ZNF608: variants seen among roughly 807,000 people sequenced by gnomAD.
ZNF608 encodes renal carcinoma antigen NY-REN-36.
In ZNF608, 12 loss-of-function variants were observed where a neutral mutation model predicts 109.0. The observed-to-expected ratio is 0.11, with a 90% CI of 0.07 to 0.18. ZNF608 has a LOEUF of 0.18. Among genes scored for constraint, ZNF608 ranks in the 10% least tolerant of loss-of-function variants. ZNF608 has a pLI of 1.00. For missense variants in ZNF608, 1,707 were observed against 1,879.3 expected (o/e 0.91, Z 1.70); for synonymous variants, 732 against 717.4 (o/e 1.02, Z -0.33).
At chr5:124,676,385 CA>C (rs1267502758) in intron 3 of ZNF608, among the ~76,000 whole-genome samples, 1 of 152,154 alleles carries the variant, frequency 6.6e-6, no homozygotes, top group Non-Finnish European at 1.5e-5. Flanking sequence ...GTAGTTTTAA[CA>C]AATATTAATG....
intron 2 of ZNF608, among the ~76,000 whole-genome samples, chr5:124,733,429 A>G (rs1341733402): frequency 6.6e-6 from 1 of 151,820 alleles, no homozygotes; most frequent in African/African-American, 2.4e-5. Context: ...TCTCTCCCCA[A>G]ACAAAAATGC....
At chr5:124,688,595 G>A (rs898025217) in intron 3 of ZNF608, among the ~76,000 whole-genome samples, 6 of 152,302 alleles carry the variant, frequency 3.9e-5, no homozygotes, top group Non-Finnish European at 7.3e-5. Context: ...CATTAGAAAT[G>A]TTTGTATACT....
At chr5:124,674,847 T>G (rs1349817159) in intron 3 of ZNF608, among the ~76,000 whole-genome samples, 1 of 152,152 alleles carries the variant, frequency 6.6e-6, no homozygotes, top group African/African-American at 2.4e-5. Flanking sequence ...ACTCCTGGAC[T>G]TAAGTGATCT....
chr5:124,745,038 A>C lies in ZNF608; in HGVS notation c.-49T>G, dbSNP rs548440399. 6.5e-7 allele frequency: 1 copy of C among 1,538,614 alleles called. No homozygotes were observed. Among genetic ancestry groups the C allele is most frequent in the Admixed American group, 2.0e-5 (1 of 48,874 alleles). ...AAAAATCCGATGAACTTTTCTTTGG[A>C]GATGAGGGGACATTCGTTTATCTCC... On this transcript the variant is annotated 5_prime_UTR_variant, in exon 2 of 10. Transcript: ENST00000513986.
intron 3 of ZNF608, among the ~76,000 whole-genome samples, chr5:124,691,116 C>T (rs1435075842): frequency 6.6e-6 from 1 of 152,088 alleles, no homozygotes; most frequent in Admixed American, 6.6e-5. Context: ...AGTGAGACCC[C>T]CGTCTCAGCC....
At chr5:124,656,180 A>G (rs538538665) in intron 3 of ZNF608, among the ~76,000 whole-genome samples, 6 of 152,208 alleles carry the variant, frequency 3.9e-5, no homozygotes, top group Non-Finnish European at 8.8e-5. Flanking sequence ...GTGTATGGCA[A>G]TGGAGCTTGG....
intron 2 of ZNF608, among the ~76,000 whole-genome samples, chr5:124,729,530 A>G (rs189805443): frequency 1.8e-4 from 28 of 152,352 alleles, no homozygotes; most frequent in African/African-American, 6.3e-4. Context: ...ATCCTTAAAC[A>G]TTAAAAATTA....
intron 2 of ZNF608, among the ~76,000 whole-genome samples, chr5:124,721,969 A>AAAAAAAAAAAAAAAAAC: frequency 6.8e-6 from 1 of 146,122 alleles, no homozygotes; most frequent in Non-Finnish European, 1.5e-5. Flanking sequence ...AAAAAAAAAA[A>AAAAAAAAAAAAAAAAAC]AAAGAACTCA....
rs1206238027 is a variant in ZNF608, at chr5:124,691,244, C to T, written c.1162+9770G>A. Among the ~76,000 whole-genome samples the T allele has an allele frequency of 3.3e-5, 5 of 152,096 alleles. No homozygotes were observed. In the East Asian group the frequency reaches 9.7e-4, roughly 29 times the overall value. On this transcript the variant is annotated intron_variant, in intron 3 of 9. Coordinates refer to ENST00000513986, the MANE Select transcript of ZNF608 (RefSeq NM_020747.3). ...CCAGGCTGGGTGACATAGCAAGACC[C>T]TGTCTCTTTTATTTAAAAAACAAAA...
intron 3 of ZNF608, among the ~76,000 whole-genome samples, chr5:124,688,707 A>C (rs1445380340): frequency 3.3e-5 from 5 of 152,378 alleles, no homozygotes; most frequent in Non-Finnish European, 5.9e-5. Flanking sequence ...ATACTATGTA[A>C]TCCTATTTAT....
chr5:124,748,574 T>C (rs1037398173), upstream of ZNF608: 18 of 985,280 alleles, frequency 1.8e-5, no homozygotes, highest in African/African-American at 3.0e-4. Context: ...TCTAACTGCA[T>C]TGAATGTGTT....
In ZNF608 at chr5:124,648,934, T is replaced by G. The variant is rs748019116; in HGVS notation, c.1450A>C (p.Asn484His). 5 of 1,613,946 alleles carry G rather than the reference T, an allele frequency of 3.1e-6. No homozygotes were observed. The Admixed American group carries it at 5.0e-5, about 16-fold the overall frequency. ...LNASGRRTPPNCAAEDIKASP... is the reference protein window; with the variant it reads ...LNASGRRTPPHCAAEDIKASP... ...GCTTTGATATCCTCAGCAGCACAAT[T>G]TGGGGGTGTCCTTCGTCCGCTGGCA... Residue 484 changes from asparagine to histidine, a missense_variant, in exon 5 of 10, where the codon AAT becomes CAT. Physicochemically the swap from Asn to His is moderately conservative, Grantham distance 68. Around this residue, in one of 7 missense-constraint regions of ZNF608, gnomAD observed 166 missense variants for 204.2 expected, o/e 0.81. Coordinates refer to ENST00000513986, the MANE Select transcript of ZNF608 (RefSeq NM_020747.3).
In ZNF608 at chr5:124,677,830, T is replaced by C. The variant is rs533823010; in HGVS notation, c.1162+23184A>G. Among the ~76,000 whole-genome samples, 391 of 152,186 alleles carry C rather than the reference T, an allele frequency of 2.6e-3. 2 individuals carry two copies. The highest frequency in any genetic ancestry group is 0.014 in the South Asian group (65 of 4,814). On this transcript the variant is annotated intron_variant, in intron 3 of 9. Transcript: ENST00000513986. ...AAAGCTAGCTCAAATGCCTCTTTGG[T>C]GGACACAGAGCACGAACACCACCCT...
rs1398841389 is a variant in ZNF608, at chr5:124,644,399, T to A, written c.3968A>T (p.Lys1323Met). 6.2e-7 allele frequency: 1 copy of A among 1,614,178 alleles called. No individual in the cohort carries two copies. Among genetic ancestry groups the A allele is most frequent in the Non-Finnish European group, 8.5e-7 (1 of 1,180,028 alleles). ...NDDRKTPVNWKDSRGTRVAVS... is the reference protein window; with the variant it reads ...NDDRKTPVNWMDSRGTRVAVS... ...AGCCACTCTTGTTCCCCGAGAGTCC[T>A]TCCAGTTCACAGGAGTCTTTCGATC... is the stretch of plus-strand genomic sequence containing the variant. The change falls in exon 6 of 10, where the codon AAG (lysine) becomes ATG (methionine). Residue 1323 changes from lysine to methionine, a missense_variant. Around this residue, in one of 7 missense-constraint regions of ZNF608, gnomAD observed 1,073 missense variants for 1,133.5 expected, o/e 0.95. Coordinates refer to ENST00000513986, the MANE Select transcript of ZNF608 (RefSeq NM_020747.3).
Position 124,648,111 on chromosome 5 carries a change from G to T in ZNF608, c.2273C>A (p.Thr758Lys). 1 of 1,469,778 alleles carries T rather than the reference G, an allele frequency of 6.8e-7. No individual in the cohort carries two copies. Among genetic ancestry groups the T allele is most frequent in the Non-Finnish European group, 9.2e-7 (1 of 1,090,700 alleles). 91.0% of individuals were successfully genotyped at this position (1,469,778 alleles called of 1,614,324 possible). ...GGGTATTGTCCCAGTGGTGGTCGTT[G>T]TAAAGGTTGCAGTGGGTATAGCGAT... ...QLIAIPTATFTTTTTGTIPGL... is the reference protein window; with the variant it reads ...QLIAIPTATFKTTTTGTIPGL... Residue 758 changes from threonine (T) to lysine (K), a missense_variant, in exon 5 of 10, where the codon ACA becomes AAA. By Grantham distance (78) the Thr-to-Lys change is moderately conservative. Transcript: ENST00000513986.
intron 2 of ZNF608, among the ~76,000 whole-genome samples, chr5:124,722,844 C>T (rs940868746): frequency 1.3e-5 from 2 of 152,034 alleles, no homozygotes; most frequent in Non-Finnish European, 2.9e-5. Context: ...TCGGATAATT[C>T]AGATGCACAG....
intron 3 of ZNF608, among the ~76,000 whole-genome samples, chr5:124,695,617 A>C (rs1467718863): frequency 6.6e-6 from 1 of 152,002 alleles, no homozygotes; most frequent in African/African-American, 2.4e-5. Flanking sequence ...ATACAAAAAA[A>C]AATGAGCTGG....
intron 3 of ZNF608, among the ~76,000 whole-genome samples, chr5:124,658,262 T>C (rs1018686017): frequency 1.1e-4 from 17 of 152,214 alleles, no homozygotes; most frequent in Non-Finnish European, 2.1e-4. Context: ...CTTCATGCTG[T>C]GGTCCCTCAG....
At chr5:124,643,195 A>G (rs540915363) in intron 7 of ZNF608, among the ~76,000 whole-genome samples, 2 of 152,306 alleles carry the variant, frequency 1.3e-5, no homozygotes, top group Admixed American at 6.5e-5. Context: ...TCAATGTCTT[A>G]TCAAACATAT....
Sources: gnomAD v4.1 joint callset for allele counts (sites outside exome capture counted in the v4.1 genomes callset) on GRCh38, gnomAD v4.1.1 for gene constraint, gnomAD v4.1.1 regional missense constraint, MANE v1.5 for transcripts, NCBI Gene and HGNC (gene_info 2026-07-23, HGNC 2026-07-21) for gene names.